Variants in PRIMPOL observed in about 807,000 individuals in gnomAD.
PRIMPOL encodes the protein primase and DNA directed polymerase, also known as DNA-directed primase/polymerase protein.
In PRIMPOL, 54 loss-of-function variants were observed where a neutral mutation model predicts 63.6. The observed-to-expected ratio is 0.85, with a 90% confidence interval of 0.68 to 1.07. The LOEUF (loss-of-function observed/expected upper bound fraction) is 1.07, where lower values mean the gene tolerates loss of function less well. Among genes scored for constraint, PRIMPOL ranks in the 50% least tolerant of loss-of-function variants. The pLI, the probability that PRIMPOL is intolerant of heterozygous loss-of-function variation, is 0.00. For missense variants in PRIMPOL, 610 were observed against 648.3 expected, an observed-to-expected ratio of 0.94 and a Z score of 0.64; for synonymous variants, 197 against 220.2, an observed-to-expected ratio of 0.89 and a Z score of 0.93.
At chr4:184,667,486 A>G (rs141933473) in intron 6 of PRIMPOL, among the ~76,000 whole-genome samples, 9 of 152,032 alleles carry the variant, frequency 5.9e-5, no homozygotes, top group Middle Eastern at 3.4e-3. Flanking sequence ...AAGTTTTTGT[A>G]TTTTTAGTAG....
rs563601067 is a variant in PRIMPOL, at chr4:184,667,595, C to T, written c.556+1531C>T. ...AAAGTGCTGGGATTACAGGCGTGAG[C>T]CACCGTGCCTGGCCGAAAGTGAGAC... On this transcript the variant is annotated intron_variant, in intron 6 of 13. Transcript: ENST00000314970. Among the ~76,000 whole-genome samples, 49 of 152,294 alleles carry T rather than the reference C, an allele frequency of 3.2e-4. 1 individual carries two copies. In the South Asian group the frequency reaches 3.9e-3, roughly 12 times the overall value.
intron 6 of PRIMPOL, among the ~76,000 whole-genome samples, chr4:184,668,053 C>G (rs543308751): frequency 6.6e-6 from 1 of 152,140 alleles, no homozygotes; most frequent in Admixed American, 6.6e-5. Flanking sequence ...GACCCTCTTC[C>G]CACTCTATCC....
intron 8 of PRIMPOL, among the ~76,000 whole-genome samples, chr4:184,681,787 T>A (rs1455501682): frequency 6.6e-6 from 1 of 152,186 alleles, no homozygotes; most frequent in Non-Finnish European, 1.5e-5. Flanking sequence ...TTGGCCAGGC[T>A]GGTCTCAAAC....
chr4:184,659,063 A>T (rs1747499871), intron 3 of PRIMPOL, among the ~76,000 whole-genome samples: 1 of 152,204 alleles, frequency 6.6e-6, no homozygotes, highest in Non-Finnish European at 1.5e-5. Context: ...AAGTCATACA[A>T]GTAATATTTT....
chr4:184,684,336 A>G (rs1443101378), intron 9 of PRIMPOL, among the ~76,000 whole-genome samples: 5 of 152,054 alleles, frequency 3.3e-5, no homozygotes, highest in Admixed American at 2.0e-4. Flanking sequence ...CACGCCTGTA[A>G]TCCCAGCTAC....
chr4:184,678,170 C>A, intron 7 of PRIMPOL, 62 bp from the exon 8 acceptor site: 1 of 1,054,188 alleles, frequency 9.5e-7, no homozygotes, highest in Non-Finnish European at 1.3e-6. Flanking sequence ...TTAATATTTG[C>A]TGACTATGAA....
At chr4:184,672,880 G>A (rs2150095892) in intron 7 of PRIMPOL, among the ~76,000 whole-genome samples, 1 of 152,254 alleles carries the variant, frequency 6.6e-6, no homozygotes, top group East Asian at 1.9e-4. Context: ...CAGTGGTAGT[G>A]GCAGGGCCCA....
chr4:184,662,573 A>C (rs1177196109), intron 5 of PRIMPOL, among the ~76,000 whole-genome samples: 2 of 152,216 alleles, frequency 1.3e-5, no homozygotes, highest in South Asian at 4.1e-4. Flanking sequence ...ATTTCAAAAA[A>C]AATTTTCAGA....
rs1746798342 is a variant in PRIMPOL at position 184,657,485 on chromosome 4, G to C, written c.180+165G>C. ...AATTTAATGGCAATCTTAATGGCAT[G>C]TGATTTAGGAAAAATATTCCTGTGA... On this transcript the variant is annotated intron_variant, in intron 3 of 13. Coordinates refer to ENST00000314970, the MANE Select transcript of PRIMPOL (RefSeq NM_152683.4). 5 of 546,160 alleles carry C rather than the reference G, an allele frequency of 9.2e-6. No homozygotes were observed. In the South Asian group the frequency reaches 1.4e-4, roughly 16 times the overall value. 33.8% of individuals were successfully genotyped at this position (546,160 alleles called of 1,614,324 possible). A position where few individuals can be genotyped will look rare whatever the true frequency, so the allele number is the denominator to read the frequency against.
rs1350287353 is a variant in PRIMPOL, at chr4:184,672,242, C to T, written c.626C>T (p.Pro209Leu). The T allele has an allele frequency of 1.9e-6, 3 of 1,613,922 alleles. No individual in the cohort carries two copies. Among genetic ancestry groups the T allele is most frequent in the Non-Finnish European group, 2.5e-6 (3 of 1,180,020 alleles). Residue 209 changes from proline to leucine, a missense_variant, in exon 7 of 14, where the codon CCA becomes CTA. Pro to Leu is a moderately conservative substitution (Grantham distance 98). Around this residue, in one of 3 missense-constraint regions of PRIMPOL, gnomAD observed 444 missense variants for 456.4 expected, o/e 0.97. Transcript: ENST00000314970. ...LLGSEDDDSA[P>L]ETTGHGFPHF... ...GGCAGTGAAGATGATGATAGCGCTC[C>T]AGAGACAACAGGCCATGGATTTCCC...
chr4:184,661,911 G>A lies in PRIMPOL; in HGVS notation c.408+8G>A, dbSNP rs1254264247. ...GTTGCATTACTCATTGAGGTAAATG[G>A]CCAACTCAAGTTTTTCTTATTTCTA... On this transcript the variant is annotated splice_region_variant and intron_variant, in intron 5 of 13. Transcript: ENST00000314970. The A allele has an allele frequency of 4.4e-6, 7 of 1,585,134 alleles. No individual in the cohort carries two copies. Among genetic ancestry groups the A allele is most frequent in the African/African-American group, 1.5e-5 (1 of 68,766 alleles).
chr4:184,658,473 A>G (rs1747236450), intron 3 of PRIMPOL, among the ~76,000 whole-genome samples: 1 of 152,238 alleles, frequency 6.6e-6, no homozygotes, highest in Non-Finnish European at 1.5e-5. Context: ...ACTCATGAAA[A>G]GAAAAATATG....
In PRIMPOL at chr4:184,649,763, C is replaced by A. The variant is rs903192832; in HGVS notation, c.-283C>A. ...GTCTTCCTGAGAGTCCGCGGGCTTC[C>A]GCTCCCAGCGCGGGATTCTGGAGGG... On this transcript the variant is annotated 5_prime_UTR_variant, in exon 1 of 14. Coordinates refer to ENST00000314970, the MANE Select transcript of PRIMPOL (RefSeq NM_152683.4). The A allele has an allele frequency of 6.6e-6, 1 of 152,432 alleles. No individual in the cohort carries two copies. The highest frequency in any genetic ancestry group is 2.4e-5 in the African/African-American group (1 of 41,476). The allele number at this position is 152,432 out of a possible 1,614,324, so 9.4% of individuals were successfully genotyped here. A position where few individuals can be genotyped will look rare whatever the true frequency, so the allele number is the denominator to read the frequency against.
At chr4:184,694,492 ACTCT>A in intron 13 of PRIMPOL, 26 bp from the exon 14 acceptor site, 5 of 1,597,086 alleles carry the variant, frequency 3.1e-6, no homozygotes, top group Non-Finnish European at 4.3e-6. Context: ...TTCCTATCCC[ACTCT>A]CTATCCCTTC....
chr4:184,694,510 A>G lies in PRIMPOL; in HGVS notation c.1426-12A>G, dbSNP rs1359309179. 11 of 1,608,184 alleles carry G rather than the reference A, an allele frequency of 6.8e-6. No individual in the cohort carries two copies. In the African/African-American group the frequency reaches 1.1e-4, roughly 16 times the overall value. The stretch of plus-strand genomic sequence containing the variant: ...CTATCCCACTCTCTATCCCTTCACC[A>G]CTGAAATAAAGGAAGAAGAGTTTAC... On this transcript the variant is annotated splice_polypyrimidine_tract_variant and intron_variant, in intron 13 of 13. Transcript: ENST00000314970.
chr4:184,653,706 A>G (rs1745391935), intron 2 of PRIMPOL, among the ~76,000 whole-genome samples: 1 of 152,132 alleles, frequency 6.6e-6, no homozygotes, highest in African/African-American at 2.4e-5. Flanking sequence ...GAAACTTACC[A>G]AAAATAGTTA....
chr4:184,654,421 G>T (rs1055667507), intron 2 of PRIMPOL, among the ~76,000 whole-genome samples: 18 of 150,552 alleles, frequency 1.2e-4, no homozygotes, highest in African/African-American at 4.4e-4. Flanking sequence ...GCAATAAGGA[G>T]CCATATCACT....
chr4:184,692,461 G>C (rs1445163709), intron 13 of PRIMPOL, among the ~76,000 whole-genome samples: 1 of 101,202 alleles, frequency 9.9e-6, no homozygotes, highest in South Asian at 3.9e-4. Flanking sequence ...GAGACAGAGC[G>C]ACTCTGCCTC....
In PRIMPOL at chr4:184,672,192, T is replaced by G. The variant is rs2150092839; in HGVS notation, c.576T>G (p.Ile192Met). ...CCTTAGGTAATTTTTTGAGAAAAATTTTGCAGCCTGCTCTTGACTTGCTTG... is the reference window on the plus strand; with the variant it reads ...CCTTAGGTAATTTTTTGAGAAAAATGTTGCAGCCTGCTCTTGACTTGCTTG... ...NIHVGNFLRK[I>M]LQPALDLLGS... Residue 192 changes from isoleucine to methionine, a missense_variant, in exon 7 of 14, where the codon ATT (isoleucine) becomes ATG (methionine). By Grantham distance (10) the Ile-to-Met change is conservative (BLOSUM62 1). This residue lies in a region of PRIMPOL where 444 missense variants were observed against 456.4 expected (regional missense o/e 0.97). Coordinates refer to ENST00000314970, the MANE Select transcript of PRIMPOL (RefSeq NM_152683.4). 1.9e-6 allele frequency: 3 copies of G among 1,604,430 alleles called. No homozygotes were observed. The East Asian group carries it at 6.7e-5, about 36-fold the overall frequency.
Sources: allele counts gnomAD v4.1 joint callset (sites outside exome capture counted in the v4.1 genomes callset), GRCh38; gene constraint gnomAD v4.1.1; regional missense constraint gnomAD v4.1.1; transcripts MANE v1.5; gene names NCBI Gene and HGNC (gene_info 2026-07-23, HGNC 2026-07-21).